The following PDS5B variants were observed in gnomAD, a reference collection of about 807,000 sequenced individuals.
The protein encoded by PDS5B is sister chromatid cohesion protein PDS5 homolog B.
A neutral mutation model predicts 184.1 loss-of-function variants in PDS5B; 51 were observed. That is an observed-to-expected ratio of 0.28 (90% CI 0.22 to 0.35). The LOEUF (loss-of-function observed/expected upper bound fraction) is 0.35, where lower values mean the gene tolerates loss of function less well. Ranked by LOEUF, PDS5B falls within the 10% of genes least tolerant of loss-of-function variation. The pLI, the probability that PDS5B is intolerant of heterozygous loss-of-function variation, is 1.00. For synonymous variants in PDS5B, 566 were observed against 569.2 expected, an observed-to-expected ratio of 0.99 and a Z score of 0.08; for missense variants, 1,180 against 1,723.3, an observed-to-expected ratio of 0.68 and a Z score of 5.58.
intron 30 of PDS5B, among the ~76,000 whole-genome samples, chr13:32,764,142 T>G (rs184882809): frequency 4.2e-4 from 64 of 151,708 alleles, no homozygotes; most frequent in Admixed American, 5.2e-4. Context: ...GAAGAAAAAA[T>G]AGAATAGGGT....
chr13:32,655,319 G>A (rs1271073565), intron 3 of PDS5B, among the ~76,000 whole-genome samples: 2 of 129,486 alleles, frequency 1.5e-5, no homozygotes, highest in Non-Finnish European at 3.1e-5. Context: ...TTGGCCATAC[G>A]TACATCTTCT....
intron 1 of PDS5B, among the ~76,000 whole-genome samples, chr13:32,599,166 T>C (rs570147026): frequency 6.6e-5 from 10 of 152,326 alleles, no homozygotes; most frequent in Admixed American, 6.5e-4. Flanking sequence ...TTGAAAGTTA[T>C]TGTCATATAA....
intron 1 of PDS5B, among the ~76,000 whole-genome samples, chr13:32,631,740 T>C (rs944090401): frequency 5.9e-5 from 9 of 152,350 alleles, no homozygotes; most frequent in African/African-American, 1.9e-4. Flanking sequence ...GGAATATGTA[T>C]CTGAAGGCAA....
At chr13:32,610,037 C>T (rs905704655) in intron 1 of PDS5B, among the ~76,000 whole-genome samples, 10 of 151,320 alleles carry the variant, frequency 6.6e-5, no homozygotes, top group African/African-American at 2.2e-4. Flanking sequence ...AAAAGATTAA[C>T]TAGTGTAAGA....
At chr13:32,600,644 C>G (rs751641016) in intron 1 of PDS5B, among the ~76,000 whole-genome samples, 1 of 152,180 alleles carries the variant, frequency 6.6e-6, no homozygotes, top group Non-Finnish European at 1.5e-5. Context: ...GTGGCTGAGG[C>G]AGGAGAATCA....
At chr13:32,749,146 C>T (rs1330848572) in intron 24 of PDS5B, among the ~76,000 whole-genome samples, 1 of 152,146 alleles carries the variant, frequency 6.6e-6, no homozygotes, top group African/African-American at 2.4e-5. Context: ...GTTGAGCACA[C>T]TCTCCTTTAC....
chr13:32,708,319 C>T (rs975726750), intron 18 of PDS5B, among the ~76,000 whole-genome samples: 5 of 152,224 alleles, frequency 3.3e-5, no homozygotes, highest in Non-Finnish European at 5.9e-5. Flanking sequence ...AGAATCCTTG[C>T]GGGCTAATCC....
chr13:32,734,961 T>C (rs1349103396), intron 20 of PDS5B, among the ~76,000 whole-genome samples: 1 of 152,210 alleles, frequency 6.6e-6, no homozygotes, highest in Non-Finnish European at 1.5e-5. Flanking sequence ...TTGAACCTGA[T>C]GCCTTCTGGA....
intron 17 of PDS5B, among the ~76,000 whole-genome samples, chr13:32,704,526 A>G (rs889965848): frequency 1.4e-4 from 22 of 152,228 alleles, no homozygotes; most frequent in African/African-American, 5.3e-4. Flanking sequence ...GAGATGACCC[A>G]GTCTTTTTCA....
At chr13:32,640,512 G>T (rs1450930613) in intron 1 of PDS5B, among the ~76,000 whole-genome samples, 1 of 147,110 alleles carries the variant, frequency 6.8e-6, no homozygotes, top group Non-Finnish European at 1.5e-5. Context: ...CTCCCAAAGT[G>T]CTGAGATTAC....
rs775987380 is a variant in PDS5B at position 32,667,749 on chromosome 13, G to A, written c.625-15G>A. ...GTTAGAGATATATAATATAGATATT[G>A]TTTATGTTTTTCAGAATTTAAACAA... On this transcript the variant is annotated splice_polypyrimidine_tract_variant and intron_variant, in intron 6 of 34. Transcript: ENST00000315596. 3 of 1,513,326 alleles carry A rather than the reference G, an allele frequency of 2.0e-6. No homozygotes were observed. The Admixed American group carries it at 5.7e-5, about 29-fold the overall frequency. The allele number at this position is 1,513,326 out of a possible 1,614,324, so 93.7% of individuals were successfully genotyped here.
At chr13:32,636,846 T>C (rs2058569755) in intron 1 of PDS5B, among the ~76,000 whole-genome samples, 1 of 152,204 alleles carries the variant, frequency 6.6e-6, no homozygotes, top group African/African-American at 2.4e-5. Flanking sequence ...GAGCATGCAG[T>C]CAAGATTTTA....
At chr13:32,754,285 C>T (rs1954092887) in intron 25 of PDS5B, among the ~76,000 whole-genome samples, 1 of 152,112 alleles carries the variant, frequency 6.6e-6, no homozygotes, top group African/African-American at 2.4e-5. Flanking sequence ...CTTGAAATTT[C>T]TGTTGATTCT....
At chr13:32,613,394 C>T (rs530550104) in intron 1 of PDS5B, among the ~76,000 whole-genome samples, 2 of 152,264 alleles carry the variant, frequency 1.3e-5, no homozygotes, top group South Asian at 2.1e-4. Flanking sequence ...TGTTTTTGCC[C>T]ATACTTCTTA....
chr13:32,746,735 G>A lies in PDS5B; in HGVS notation c.2736+635G>A, dbSNP rs77091812. ...AGACCTCAAAAAGGACACTGTTTAC[G>A]TATGAAAGCTGAAACAAGAAGGCAC... On this transcript the variant is annotated intron_variant, in intron 24 of 34. Coordinates refer to ENST00000315596, the MANE Select transcript of PDS5B (RefSeq NM_015032.4). Among the ~76,000 whole-genome samples, 927 of 152,304 alleles carry A rather than the reference G, an allele frequency of 6.1e-3. 6 individuals are homozygous for A. Among genetic ancestry groups the A allele is most frequent in the African/African-American group, 0.021 (881 of 41,546 alleles).
At chr13:32,669,133 G>T (rs1041554586) in intron 7 of PDS5B, among the ~76,000 whole-genome samples, 1 of 152,126 alleles carries the variant, frequency 6.6e-6, no homozygotes, top group African/African-American at 2.4e-5. Context: ...CACTTGAAGT[G>T]TGTAGACCTA....
At chr13:32,600,746 A>G (rs1273159674) in intron 1 of PDS5B, among the ~76,000 whole-genome samples, 3 of 152,208 alleles carry the variant, frequency 2.0e-5, no homozygotes, top group Non-Finnish European at 4.4e-5. Context: ...CTTCAAAACA[A>G]AACAAAAAAA....
At chr13:32,760,777 A>G in intron 30 of PDS5B, 57 bp downstream of exon 30, 1 of 1,484,244 alleles carries the variant, frequency 6.7e-7, no homozygotes. Flanking sequence ...AGGCTATGAG[A>G]TCTGAAATAA....
chr13:32,663,810 CT>C (rs1439848861), intron 6 of PDS5B, among the ~76,000 whole-genome samples: 2 of 152,192 alleles, frequency 1.3e-5, no homozygotes, highest in African/African-American at 2.4e-5. Flanking sequence ...TTTAGTGCCC[CT>C]GTCACCTGAG....
Sources: allele counts gnomAD v4.1 joint callset (sites outside exome capture counted in the v4.1 genomes callset), GRCh38; gene constraint gnomAD v4.1.1; transcripts MANE v1.5; gene names NCBI Gene and HGNC (gene_info 2026-07-23, HGNC 2026-07-21).